The following PRKCH variants were observed in gnomAD, a reference collection of about 807,000 sequenced individuals.
The protein encoded by PRKCH is protein kinase C eta, also known as protein kinase C eta type.
Under a neutral mutation model 82.5 loss-of-function variants are expected in PRKCH, and 28 were observed. The observed-to-expected ratio is 0.34, with a 90% CI of 0.25 to 0.47. The LOEUF (loss-of-function observed/expected upper bound fraction) is 0.47. PRKCH is among the 20% of genes least tolerant of loss of function. PRKCH has a pLI of 1.00. For missense variants in PRKCH, 705 were observed against 881.8 expected (o/e 0.80, Z 2.54); for synonymous variants, 322 against 327.4 (o/e 0.98, Z 0.18).
At chr14:61,533,977 T>C (rs898690163) in intron 12 of PRKCH, among the ~76,000 whole-genome samples, 3 of 152,248 alleles carry the variant, frequency 2.0e-5, no homozygotes, top group African/African-American at 4.8e-5. Flanking sequence ...GTTATTTTAC[T>C]ACCAGAAGAA....
At chr14:61,311,770 T>C (rs979457910) in intron 1 of PRKCH, among the ~76,000 whole-genome samples, 7 of 152,250 alleles carry the variant, frequency 4.6e-5, no homozygotes, top group African/African-American at 1.2e-4. Flanking sequence ...AAAGTAATTG[T>C]AGTTTTTGTA....
chr14:61,244,719 G>A (rs574692090), intron 1 of PRKCH, among the ~76,000 whole-genome samples: 1 of 152,262 alleles, frequency 6.6e-6, no homozygotes, highest in East Asian at 1.9e-4. Flanking sequence ...CCTGTAATGA[G>A]GAGTTATTAA....
chr14:61,321,480 G>A (rs913929486), upstream of PRKCH, among the ~76,000 whole-genome samples: 6 of 152,184 alleles, frequency 3.9e-5, no homozygotes, highest in Non-Finnish European at 5.9e-5. The surrounding 1 kb of genome is among the most constrained non-coding windows in gnomAD (Gnocchi z 4.1). Flanking sequence ...CTGGCCTCCC[G>A]GGGGCTTGCG....
chr14:61,262,220 A>AT (rs2045053943), intron 1 of PRKCH, among the ~76,000 whole-genome samples: 1 of 109,268 alleles, frequency 9.2e-6, no homozygotes, highest in African/African-American at 3.2e-5. Context: ...GACTCTGTAT[A>AT]AAAAAAAAAA....
chr14:61,272,340 CTTTCTT>C (rs1453908967), intron 1 of PRKCH, among the ~76,000 whole-genome samples: 4,212 of 97,646 alleles, frequency 0.043, 798 homozygotes, highest in African/African-American at 0.065. Context: ...TTTCTTTTTT[CTTTCTT>C]TTTTTTTTTT....
chr14:61,489,596 G>A (rs1033477936), intron 10 of PRKCH, among the ~76,000 whole-genome samples: 6 of 152,224 alleles, frequency 3.9e-5, no homozygotes, highest in African/African-American at 1.4e-4. Flanking sequence ...GGAGGGTCTG[G>A]AACCTGCCAT....
chr14:61,270,113 G>A (rs1427536684), intron 1 of PRKCH, among the ~76,000 whole-genome samples: 1 of 152,154 alleles, frequency 6.6e-6, no homozygotes, highest in Non-Finnish European at 1.5e-5. Context: ...CCCTTCCCAA[G>A]ATTTCTGTCT....
At chr14:61,413,634 T>TC (rs1046699890) in intron 2 of PRKCH, among the ~76,000 whole-genome samples, 5 of 151,620 alleles carry the variant, frequency 3.3e-5, no homozygotes, top group African/African-American at 1.2e-4. Context: ...TTCTTTAACT[T>TC]CTCCATTTCC....
chr14:61,396,989 G>T (rs1333368035), intron 2 of PRKCH, among the ~76,000 whole-genome samples: 1 of 152,168 alleles, frequency 6.6e-6, no homozygotes, highest in African/African-American at 2.4e-5. Context: ...ACCAGTGAAG[G>T]GTTTTAAGCA....
chr14:61,495,496 A>G (rs1886630863), intron 10 of PRKCH, among the ~76,000 whole-genome samples: 2 of 152,258 alleles, frequency 1.3e-5, no homozygotes, highest in Non-Finnish European at 2.9e-5. Context: ...CAGTCATTTA[A>G]TCTTTATGTA....
At chr14:61,277,809 A>T (rs556283464) in intron 1 of PRKCH, 1 of 152,348 alleles carries the variant, frequency 6.6e-6, no homozygotes, top group East Asian at 1.9e-4. Context: ...TAAAGTTCAA[A>T]TTCTGTTTTA....
intron 1 of PRKCH, among the ~76,000 whole-genome samples, chr14:61,189,152 C>T (rs2044390741): frequency 6.6e-6 from 1 of 152,230 alleles, no homozygotes; most frequent in Non-Finnish European, 1.5e-5. Context: ...AGCGCCCCAG[C>T]GCCCCCGCGA....
chr14:61,517,622 T>C (rs755450114), intron 10 of PRKCH, among the ~76,000 whole-genome samples: 2 of 152,228 alleles, frequency 1.3e-5, no homozygotes. Flanking sequence ...CCTAGCACTG[T>C]GTGCCCTAGA....
intron 1 of PRKCH, among the ~76,000 whole-genome samples, chr14:61,205,256 GC>G (rs1383625016): frequency 6.6e-6 from 1 of 152,172 alleles, no homozygotes; most frequent in Non-Finnish European, 1.5e-5. Context: ...TGTTTAAAGA[GC>G]CCATGGGTTT....
intron 9 of PRKCH, among the ~76,000 whole-genome samples, chr14:61,464,369 T>G (rs538962174): frequency 7.5e-4 from 114 of 151,716 alleles, no homozygotes; most frequent in Admixed American, 1.9e-3. Flanking sequence ...TGTGTGGTTT[T>G]GTTTTGTTTT....
chr14:61,360,436 C>A (rs1036828719), intron 1 of PRKCH, among the ~76,000 whole-genome samples: 1 of 151,730 alleles, frequency 6.6e-6, no homozygotes, highest in East Asian at 1.9e-4. Context: ...ACATGGGAGG[C>A]GGAGGTTGCA....
chr14:61,327,621 T>C (rs887324976), intron 1 of PRKCH, among the ~76,000 whole-genome samples: 1 of 152,204 alleles, frequency 6.6e-6, no homozygotes, highest in Non-Finnish European at 1.5e-5. Context: ...GTCATATTAT[T>C]ATCTTGTTGT....
chr14:61,302,534 T>G (rs977447119), intron 1 of PRKCH, among the ~76,000 whole-genome samples: 8 of 152,200 alleles, frequency 5.3e-5, no homozygotes, highest in Admixed American at 5.2e-4. Flanking sequence ...GGGGGGTAGG[T>G]TTGCATAGAC....
intron 1 of PRKCH, among the ~76,000 whole-genome samples, chr14:61,265,435 C>A (rs938512941): frequency 6.6e-6 from 1 of 152,140 alleles, no homozygotes; most frequent in Non-Finnish European, 1.5e-5. Context: ...GAGCCAAGAT[C>A]GTGCCGTTGC....
Sources: allele counts gnomAD v4.1 joint callset (sites outside exome capture counted in the v4.1 genomes callset), GRCh38; gene constraint gnomAD v4.1.1; non-coding constraint Gnocchi (gnomAD v3.1); transcripts MANE v1.5; gene names NCBI Gene and HGNC (gene_info 2026-07-23, HGNC 2026-07-21).